Variants in PIBF1 observed in about 807,000 individuals in gnomAD.
PIBF1 encodes the protein progesterone-induced-blocking factor 1.
A neutral mutation model predicts 112.5 loss-of-function variants in PIBF1; 90 were observed. The ratio of observed to expected loss-of-function variants is 0.80; its 90% CI spans 0.67 to 0.95. The LOEUF is 0.95. Among genes scored for constraint, PIBF1 ranks in the 40% least tolerant of loss-of-function variants. The pLI, the probability that PIBF1 is intolerant of heterozygous loss-of-function variation, is 0.00. For missense variants in PIBF1, 915 were observed against 852.3 expected (o/e 1.07, Z -0.92); for synonymous variants, 301 against 288.6 (o/e 1.04, Z -0.44).
At chr13:72,829,871 G>T (rs1037776456) in intron 8 of PIBF1, among the ~76,000 whole-genome samples, 1 of 152,140 alleles carries the variant, frequency 6.6e-6, no homozygotes, top group Non-Finnish European at 1.5e-5. Flanking sequence ...ACTTTGGGCA[G>T]TATGGCCATT....
chr13:72,952,080 T>A (rs559941161), intron 14 of PIBF1, among the ~76,000 whole-genome samples: 123 of 149,072 alleles, frequency 8.3e-4, no homozygotes, highest in African/African-American at 3.0e-3. Flanking sequence ...TGTTGCCTCG[T>A]CTGGAGTGCG....
chr13:72,986,845 C>T (rs543997495), intron 16 of PIBF1, among the ~76,000 whole-genome samples: 16 of 152,186 alleles, frequency 1.1e-4, no homozygotes, highest in African/African-American at 4.8e-5. Flanking sequence ...CGCCCGCCAC[C>T]GCGCCCGGCT....
At position 72,893,910 on chromosome 13, in the gene PIBF1, G is replaced by A. The variant is rs139029132; in HGVS notation, c.1449G>A (p.Gln483=). The A allele has an allele frequency of 6.2e-7, 1 of 1,607,438 alleles. No individual in the cohort carries two copies. Among genetic ancestry groups the A allele is most frequent in the Admixed American group, 1.7e-5 (1 of 59,006 alleles). Residue 483 remains glutamine (Q), a synonymous_variant, in exon 11 of 18, where the codon CAG becomes CAA. Transcript: ENST00000326291. ...AGGAAACAGCAAGAAATCTCACACA[G>A]TGTCAATTGGAATGTGAAAAATATC... ...LQEETARNLT[Q]CQLECEKYQK...
intron 15 of PIBF1, among the ~76,000 whole-genome samples, chr13:72,968,099 G>A (rs566608067): frequency 2.0e-5 from 3 of 151,748 alleles, no homozygotes; most frequent in African/African-American, 7.2e-5. Flanking sequence ...CAGGAGAATG[G>A]CGTGAACCTG....
At chr13:72,922,806 G>A (rs2041343514) in intron 13 of PIBF1, among the ~76,000 whole-genome samples, 1 of 152,130 alleles carries the variant, frequency 6.6e-6, no homozygotes. Flanking sequence ...GATGGCTTTA[G>A]GAATAGTTCT....
intron 15 of PIBF1, among the ~76,000 whole-genome samples, chr13:72,971,982 A>T (rs1302474139): frequency 6.6e-6 from 1 of 150,648 alleles, no homozygotes; most frequent in Non-Finnish European, 1.5e-5. Context: ...GCCAAATATT[A>T]TTCTAAAGAT....
At chr13:72,840,637 T>C (rs2037568850) in intron 9 of PIBF1, among the ~76,000 whole-genome samples, 1 of 151,652 alleles carries the variant, frequency 6.6e-6, no homozygotes, top group African/African-American at 2.4e-5. Context: ...GATTCTCCTG[T>C]CTCAGCCTTC....
chr13:72,993,998 G>A (rs939330323), intron 16 of PIBF1, among the ~76,000 whole-genome samples: 4 of 152,124 alleles, frequency 2.6e-5, no homozygotes, highest in Non-Finnish European at 4.4e-5. Flanking sequence ...TGTGGTGCCA[G>A]CGGCTCAGGA....
At chr13:72,835,840 C>A (rs928686417) in intron 9 of PIBF1, among the ~76,000 whole-genome samples, 1 of 152,162 alleles carries the variant, frequency 6.6e-6, no homozygotes, top group Non-Finnish European at 1.5e-5. Context: ...TGGCTCACGC[C>A]TGTAATCCCA....
At chr13:72,861,321 A>G (rs2038688956) in intron 10 of PIBF1, among the ~76,000 whole-genome samples, 1 of 151,998 alleles carries the variant, frequency 6.6e-6, no homozygotes, top group African/African-American at 2.4e-5. Flanking sequence ...TACATATATT[A>G]TGTATTTTAA....
At chr13:72,956,099 C>A (rs888290586) in intron 14 of PIBF1, among the ~76,000 whole-genome samples, 2 of 151,994 alleles carry the variant, frequency 1.3e-5, no homozygotes, top group Non-Finnish European at 2.9e-5. Flanking sequence ...CTGAAAAATT[C>A]TTGTGGAAAT....
intron 10 of PIBF1, among the ~76,000 whole-genome samples, chr13:72,886,231 T>G (rs2138525329): frequency 6.6e-6 from 1 of 152,130 alleles, no homozygotes; most frequent in South Asian, 2.1e-4. Flanking sequence ...GTTTATATGT[T>G]CTGAATTTTT....
intron 10 of PIBF1, among the ~76,000 whole-genome samples, chr13:72,892,242 T>C (rs1042045813): frequency 2.0e-5 from 3 of 152,114 alleles, no homozygotes; most frequent in Non-Finnish European, 4.4e-5. Context: ...TTAATAAAAT[T>C]GTAAAAAGTT....
At chr13:72,870,378 G>GT (rs1408183636) in intron 10 of PIBF1, among the ~76,000 whole-genome samples, 3 of 152,150 alleles carry the variant, frequency 2.0e-5, no homozygotes, top group African/African-American at 7.2e-5. Flanking sequence ...AAAGAGAAAC[G>GT]TATCTCTCCC....
chr13:72,937,123 A>G (rs578211717), intron 14 of PIBF1, among the ~76,000 whole-genome samples: 35 of 152,058 alleles, frequency 2.3e-4, no homozygotes, highest in Non-Finnish European at 4.1e-4. Context: ...ATGATTTTCA[A>G]TTGGAGATTT....
intron 16 of PIBF1, among the ~76,000 whole-genome samples, chr13:72,984,612 A>C (rs1250420463): frequency 6.6e-6 from 1 of 152,146 alleles, no homozygotes; most frequent in African/African-American, 2.4e-5. Flanking sequence ...GTAAAATGTT[A>C]ATTCTCCTCA....
intron 10 of PIBF1, among the ~76,000 whole-genome samples, chr13:72,869,770 G>A (rs900446736): frequency 6.6e-5 from 10 of 151,692 alleles, no homozygotes; most frequent in African/African-American, 2.4e-4. Flanking sequence ...GTATACCAAG[G>A]CATAGCTAAA....
intron 16 of PIBF1, among the ~76,000 whole-genome samples, chr13:72,992,812 A>T (rs1171652752): frequency 2.6e-5 from 4 of 152,034 alleles, no homozygotes; most frequent in African/African-American, 4.8e-5. Context: ...CTCAGAAAAA[A>T]TAAAAAAGGC....
At position 72,821,895 on chromosome 13, in the gene PIBF1, G is replaced by A. The variant is rs1321440733; in HGVS notation, c.719G>A (p.Cys240Tyr). The A allele has an allele frequency of 1.2e-6, 2 of 1,612,772 alleles. No individual in the cohort carries two copies. The highest frequency in any genetic ancestry group is 1.7e-6 in the Non-Finnish European group (2 of 1,179,146). Residue 240 changes from cysteine (C) to tyrosine (Y), a missense_variant, in exon 6 of 18, where the codon TGT becomes TAT. Transcript: ENST00000326291. ...RKNYSEVQIR[C>Y]QRLALELADT... is the part of the protein sequence containing the mutation. ...AACTACTCTGAAGTTCAAATTAGATGTCAACGTTTGGCCTTAGAATTAGCA... is the reference window on the plus strand; with the variant it reads ...AACTACTCTGAAGTTCAAATTAGATATCAACGTTTGGCCTTAGAATTAGCA...
Sources: gnomAD v4.1 joint callset for allele counts (sites outside exome capture counted in the v4.1 genomes callset) on GRCh38, gnomAD v4.1.1 for gene constraint, MANE v1.5 for transcripts, NCBI Gene and HGNC (gene_info 2026-07-23, HGNC 2026-07-21) for gene names.